Variants in WDR19 observed in about 807,000 individuals in gnomAD.
WDR19 encodes the protein WD repeat domain 19.
WDR19 carries 121 observed loss-of-function variants against 180.0 expected under a neutral mutation model. That is an observed-to-expected ratio of 0.67 (90% confidence interval 0.58 to 0.78). WDR19 has a LOEUF of 0.78. Among genes scored for constraint, WDR19 ranks in the 30% least tolerant of loss-of-function variants. WDR19 has a pLI of 0.00. For synonymous variants in WDR19, 497 were observed against 540.7 expected (o/e 0.92, Z 1.12); for missense variants, 1,450 against 1,640.7 (o/e 0.88, Z 2.01).
At chr4:39,268,538 A>T (rs889400118) in intron 30 of WDR19, among the ~76,000 whole-genome samples, 4 of 152,170 alleles carry the variant, frequency 2.6e-5, no homozygotes. Flanking sequence ...ACTCTTCAGG[A>T]TGGTTCTGCT....
chr4:39,274,982 C>T (rs752215221), intron 33 of WDR19, 24 bp downstream of exon 33: 3 of 1,602,242 alleles, frequency 1.9e-6, no homozygotes, highest in Admixed American at 1.7e-5. Context: ...GCTATTTCTG[C>T]TATCTAATCG....
In WDR19 at chr4:39,268,735, C is replaced by A. The variant is rs567131562; in HGVS notation, c.3358+644C>A. ...AACAACACCTTCTTCCTGTCAGATG[C>A]GTGCTAGGAGCTCAGGATACAGAGA... On this transcript the variant is annotated intron_variant, in intron 30 of 36. Coordinates refer to ENST00000399820, the MANE Select transcript of WDR19 (RefSeq NM_025132.4). Among the ~76,000 whole-genome samples, 19 of 152,174 alleles carry A rather than the reference C, an allele frequency of 1.2e-4. 1 individual carries two copies. Among genetic ancestry groups the A allele is most frequent in the Admixed American group, 1.1e-3 (17 of 15,272 alleles).
intron 28 of WDR19, among the ~76,000 whole-genome samples, chr4:39,261,514 T>G (rs749696501): frequency 5.9e-5 from 9 of 152,212 alleles, no homozygotes; most frequent in Non-Finnish European, 1.2e-4. Flanking sequence ...AGGGCTCTGA[T>G]TTGGGTAGTT....
At chr4:39,267,895 A>C in intron 29 of WDR19, 100 bp from the exon 30 acceptor site, 2 of 1,041,178 alleles carry the variant, frequency 1.9e-6, no homozygotes, top group Non-Finnish European at 2.9e-6. Flanking sequence ...ATCAATTCTC[A>C]GTTACTGGCA....
chr4:39,277,747 A>T (rs543262179), intron 34 of WDR19, among the ~76,000 whole-genome samples: 1 of 152,300 alleles, frequency 6.6e-6, no homozygotes, highest in Non-Finnish European at 1.5e-5. Context: ...TATAACTGGA[A>T]TTCAATTATT....
intron 20 of WDR19, among the ~76,000 whole-genome samples, chr4:39,239,035 G>A (rs1046434099): frequency 2.0e-5 from 3 of 152,100 alleles, no homozygotes; most frequent in African/African-American, 2.4e-5. Flanking sequence ...GGAGTACAGT[G>A]GCGCAATTTC....
chr4:39,242,998 G>A (rs1732126415), intron 21 of WDR19, among the ~76,000 whole-genome samples: 1 of 152,098 alleles, frequency 6.6e-6, no homozygotes, highest in South Asian at 2.1e-4. Context: ...TAAAAAATTA[G>A]CTGGGTATGG....
At chr4:39,268,595 T>C (rs1177824306) in intron 30 of WDR19, among the ~76,000 whole-genome samples, 1 of 152,258 alleles carries the variant, frequency 6.6e-6, no homozygotes, top group Non-Finnish European at 1.5e-5. Flanking sequence ...AGGATTAGTC[T>C]GATATCTTCA....
intron 28 of WDR19, among the ~76,000 whole-genome samples, chr4:39,257,984 A>G (rs1379269919): frequency 6.7e-6 from 1 of 149,966 alleles, no homozygotes; most frequent in East Asian, 2.0e-4. Context: ...CCCCCCAGTC[A>G]ATATCCCCCA....
intron 36 of WDR19, 145 bp downstream of exon 36, chr4:39,278,808 AT>A (rs5857667): frequency 0.45 from 192,551 of 428,746 alleles, 46,503 homozygotes; most frequent in African/African-American, 0.71. Context: ...CTTTTGATGT[AT>A]TTTTTTTAAT....
intron 5 of WDR19, among the ~76,000 whole-genome samples, chr4:39,199,031 G>T (rs1415082950): frequency 6.6e-6 from 1 of 151,958 alleles, no homozygotes; most frequent in East Asian, 1.9e-4. Context: ...GCTGGGTGTG[G>T]TGGCATGTGC....
At chr4:39,229,901 C>A (rs111615397) in intron 17 of WDR19, among the ~76,000 whole-genome samples, 3 of 152,316 alleles carry the variant, frequency 2.0e-5, no homozygotes, top group African/African-American at 7.2e-5. Flanking sequence ...CACACATGCA[C>A]ATGCCTTAAC....
chr4:39,250,069 T>C (rs996751734), intron 24 of WDR19, among the ~76,000 whole-genome samples: 6 of 152,144 alleles, frequency 3.9e-5, no homozygotes, highest in Admixed American at 1.3e-4. Flanking sequence ...CCAATATCCT[T>C]GATGAACATC....
intron 15 of WDR19, among the ~76,000 whole-genome samples, chr4:39,227,674 A>G (rs1475641538): frequency 6.6e-6 from 1 of 152,144 alleles, no homozygotes; most frequent in Non-Finnish European, 1.5e-5. Flanking sequence ...GGGTTTTGCT[A>G]TCCGTGGGAG....
chr4:39,263,006 C>T (rs939083268), intron 28 of WDR19, among the ~76,000 whole-genome samples: 2 of 152,148 alleles, frequency 1.3e-5, no homozygotes, highest in African/African-American at 4.8e-5. Context: ...TGGTGATTCG[C>T]AGCCAGAAGC....
intron 9 of WDR19, among the ~76,000 whole-genome samples, chr4:39,209,320 G>A (rs146975326): frequency 3.7e-3 from 570 of 152,096 alleles, no homozygotes; most frequent in Non-Finnish European, 5.8e-3. Context: ...ATCAAAATAC[G>A]TGGGAGGCAG....
intron 31 of WDR19, 32 bp from the exon 32 acceptor site, chr4:39,272,948 A>G (rs1735517603): frequency 2.0e-6 from 3 of 1,533,338 alleles, no homozygotes; most frequent in Non-Finnish European, 2.7e-6. Flanking sequence ...ATCAATGACT[A>G]TAAGAAGAGT....
rs1166138923 is a variant in WDR19, at chr4:39,224,529, C to T, written c.1480-355C>T. ...CCAAGTAGCTGGGATTACAGGCGCC[C>T]GCCACCATGCCCAGCTAATTTTTGT... On this transcript the variant is annotated intron_variant, in intron 14 of 36. Transcript: ENST00000399820. Among the ~76,000 whole-genome samples the T allele has an allele frequency of 3.3e-5, 5 of 151,860 alleles. No homozygotes were observed. In the East Asian group the frequency reaches 7.7e-4, roughly 23 times the overall value.
At chr4:39,256,380 A>G (rs1407177327) in intron 27 of WDR19, among the ~76,000 whole-genome samples, 1 of 152,226 alleles carries the variant, frequency 6.6e-6, no homozygotes, top group Non-Finnish European at 1.5e-5. Context: ...TCATAAGTGA[A>G]GCTATGGGGT....
Sources: allele counts gnomAD v4.1 joint callset (sites outside exome capture counted in the v4.1 genomes callset), GRCh38; gene constraint gnomAD v4.1.1; transcripts MANE v1.5; gene names NCBI Gene and HGNC (gene_info 2026-07-23, HGNC 2026-07-21).